CD2AP: variants seen among roughly 807,000 people sequenced by gnomAD.
CD2AP encodes CD2 associated protein, also known as CD2-associated protein.
CD2AP carries 46 observed loss-of-function variants against 85.1 expected under a neutral mutation model. That is an observed-to-expected ratio of 0.54 (90% confidence interval 0.43 to 0.69). The LOEUF (loss-of-function observed/expected upper bound fraction) is 0.69. CD2AP is among the 30% of genes least tolerant of loss of function. The pLI is 0.00. For synonymous variants in CD2AP, 255 were observed against 252.9 expected, an observed-to-expected ratio of 1.01 and a Z score of -0.08; for missense variants, 769 against 729.5, an observed-to-expected ratio of 1.05 and a Z score of -0.62.
intron 5 of CD2AP, among the ~76,000 whole-genome samples, chr6:47,571,866 T>A (rs1436980577): frequency 1.3e-5 from 2 of 152,056 alleles, no homozygotes; most frequent in African/African-American, 4.8e-5. Context: ...AATCCTACCC[T>A]AAAAAAGCTT....
chr6:47,597,689 G>T (rs1264700246), intron 12 of CD2AP, among the ~76,000 whole-genome samples: 1 of 150,952 alleles, frequency 6.6e-6, no homozygotes, highest in Admixed American at 6.6e-5. Context: ...AGAAGGATGA[G>T]TCAGAAGGCA....
rs139814970 is a variant in CD2AP, at chr6:47,589,565, C to CACACACATATATATATATATAT, written c.1109-6295_1109-6294insCACACATATATATATATATATA. Among the ~76,000 whole-genome samples, 177 of 120,956 alleles carry CACACACATATATATATATATAT rather than the reference C, an allele frequency of 1.5e-3. 1 individual carries two copies. The highest frequency in any genetic ancestry group is 4.8e-3 in the Admixed American group (59 of 12,242). The allele number at this position is 120,956 out of a possible 152,430, so 79.4% of individuals were successfully genotyped here. ...ACACATATATATACACACACACACACATATATATATATATATTTGTCAGAG... is the reference window on the plus strand; with the variant it reads ...ACACATATATATACACACACACACACACACACATATATATATATATATATATATATATATATATTTGTCAGAG... On this transcript the variant is annotated intron_variant, in intron 11 of 17. Coordinates refer to ENST00000359314, the MANE Select transcript of CD2AP (RefSeq NM_012120.3).
At chr6:47,528,359 G>C (rs1766783997) in intron 2 of CD2AP, among the ~76,000 whole-genome samples, 1 of 152,164 alleles carries the variant, frequency 6.6e-6, no homozygotes, top group African/African-American at 2.4e-5. Context: ...ATTTTTAGTA[G>C]AGAGGTGGTT....
At chr6:47,545,145 A>T (rs1767330801) in intron 4 of CD2AP, 1 of 178,416 alleles carries the variant, frequency 5.6e-6, no homozygotes, top group Non-Finnish European at 1.2e-5. Context: ...TTTTAAAAAT[A>T]GATCATGGAC....
At chr6:47,485,124 G>A (rs1201609226) in intron 1 of CD2AP, among the ~76,000 whole-genome samples, 1 of 152,132 alleles carries the variant, frequency 6.6e-6, no homozygotes, top group African/African-American at 2.4e-5. Context: ...CTGTGTTACT[G>A]GCTTATGTAT....
At chr6:47,605,363 G>A (rs990927948) in intron 13 of CD2AP, among the ~76,000 whole-genome samples, 1 of 151,930 alleles carries the variant, frequency 6.6e-6, no homozygotes, top group African/African-American at 2.4e-5. Flanking sequence ...AAGACTTTCT[G>A]AATCATCTAG....
intron 5 of CD2AP, among the ~76,000 whole-genome samples, chr6:47,570,721 G>A (rs988366849): frequency 2.0e-5 from 3 of 152,130 alleles, no homozygotes; most frequent in African/African-American, 7.2e-5. Context: ...ACTTCTCATA[G>A]CAATCCTGTG....
In CD2AP at chr6:47,624,806, T is replaced by G. The variant is rs1294149170; in HGVS notation, c.*579T>G. On this transcript the variant is annotated 3_prime_UTR_variant, in exon 18 of 18. Transcript: ENST00000359314. The stretch of plus-strand genomic sequence containing the variant: ...GTTTGTCTGCAATGCTGTTTATATT[T>G]TGGGTGATGAAATAGGAGTTTCCTA... The G allele has an allele frequency of 6.6e-6, 1 of 151,722 alleles. No individual in the cohort carries two copies. The highest frequency in any genetic ancestry group is 6.6e-5 in the Admixed American group (1 of 15,198). 9.4% of individuals were successfully genotyped at this position (151,722 alleles called of 1,614,324 possible).
Position 47,518,102 on chromosome 6 carries a change from G to GTA in CD2AP, c.165+14669_165+14670dup, listed in dbSNP as rs555545845. ...TGTGTCTTTAAGTGTGTTTATATGT[G>GTA]TATATATACTGGGGTTGTTACAAAG... On this transcript the variant is annotated intron_variant, in intron 2 of 17. Coordinates refer to ENST00000359314, the MANE Select transcript of CD2AP (RefSeq NM_012120.3). 8.1e-4 allele frequency among the ~76,000 whole-genome samples: 123 copies of GTA among 152,188 alleles called. No individual in the cohort carries two copies. In the South Asian group the frequency reaches 9.8e-3, roughly 12 times the overall value.
At chr6:47,566,646 T>C (rs966742320) in intron 5 of CD2AP, among the ~76,000 whole-genome samples, 2 of 152,042 alleles carry the variant, frequency 1.3e-5, no homozygotes, top group Non-Finnish European at 2.9e-5. Flanking sequence ...GGTCCTGGTG[T>C]GTGTTTCCCT....
Position 47,506,794 on chromosome 6 carries a change from G to GAGGGAGAGGGA in CD2AP, c.165+3354_165+3355insAGGGAGAGGGA, listed in dbSNP as rs1766181523. On this transcript the variant is annotated intron_variant, in intron 2 of 17. Coordinates refer to ENST00000359314, the MANE Select transcript of CD2AP (RefSeq NM_012120.3). Reference sequence around the variant, plus strand: ...AGGGAGACCGTGGGGAGAGGGAGACGGAGGGAGAGGGAGAGGGAGAGGGAG... The same window carrying GAGGGAGAGGGA: ...AGGGAGACCGTGGGGAGAGGGAGACGAGGGAGAGGGAGAGGGAGAGGGAGAGGGAGAGGGAG... Among the ~76,000 whole-genome samples the GAGGGAGAGGGA allele has an allele frequency of 5.0e-5, 4 of 80,108 alleles. 1 individual carries two copies. The highest frequency in any genetic ancestry group is 1.2e-4 in the Non-Finnish European group (4 of 33,490). The allele number at this position is 80,108 out of a possible 152,430, so 52.6% of individuals were successfully genotyped here. A position where few individuals can be genotyped will look rare whatever the true frequency, so the allele number is the denominator to read the frequency against.
intron 1 of CD2AP, among the ~76,000 whole-genome samples, chr6:47,480,539 A>G (rs1765416314): frequency 6.6e-6 from 1 of 152,218 alleles, no homozygotes; most frequent in African/African-American, 2.4e-5. Context: ...TCTTCTACCT[A>G]CTGGCTGTGT....
chr6:47,529,197 C>G (rs908338316), intron 2 of CD2AP, among the ~76,000 whole-genome samples: 2 of 78,158 alleles, frequency 2.6e-5, no homozygotes, highest in African/African-American at 4.7e-5. Flanking sequence ...CCCCCCCCCC[C>G]CCCAACTTAT....
At chr6:47,545,873 A>C (rs1767352923) in intron 4 of CD2AP, among the ~76,000 whole-genome samples, 1 of 152,102 alleles carries the variant, frequency 6.6e-6, no homozygotes, top group Admixed American at 6.5e-5. Flanking sequence ...TGAGCCCTAC[A>C]CTTCCCTCTG....
intron 12 of CD2AP, among the ~76,000 whole-genome samples, chr6:47,598,877 C>T (rs1465815122): frequency 2.7e-5 from 4 of 149,928 alleles, no homozygotes; most frequent in African/African-American, 9.7e-5. Context: ...AACCAAATGC[C>T]ACCTGTTTCT....
intron 5 of CD2AP, among the ~76,000 whole-genome samples, chr6:47,567,205 T>G (rs112114219): frequency 7.3e-4 from 111 of 152,286 alleles, no homozygotes; most frequent in African/African-American, 2.6e-3. Context: ...TTAGGTATGC[T>G]TATAGAACTA....
At chr6:47,486,043 C>A (rs1765557704) in intron 1 of CD2AP, among the ~76,000 whole-genome samples, 1 of 152,114 alleles carries the variant, frequency 6.6e-6, no homozygotes, top group Admixed American at 6.5e-5. Flanking sequence ...GTGATAGTTA[C>A]AGTTAACACC....
chr6:47,600,646 G>A (rs182538491), intron 13 of CD2AP, among the ~76,000 whole-genome samples: 8 of 151,778 alleles, frequency 5.3e-5, no homozygotes, highest in Admixed American at 3.9e-4. Context: ...AAATTTATTC[G>A]GTATGTTTTA....
intron 2 of CD2AP, among the ~76,000 whole-genome samples, chr6:47,512,264 C>T (rs1363765411): frequency 1.3e-5 from 2 of 149,882 alleles, no homozygotes; most frequent in Admixed American, 6.6e-5. Context: ...ATCGCTTGAA[C>T]GTGGGAGGCG....
Sources: gnomAD v4.1 joint callset for allele counts (sites outside exome capture counted in the v4.1 genomes callset) on GRCh38, gnomAD v4.1.1 for gene constraint, MANE v1.5 for transcripts, NCBI Gene and HGNC (gene_info 2026-07-23, HGNC 2026-07-21) for gene names.